Variants in PCDHGB4 observed in about 807,000 individuals in gnomAD.
PCDHGB4 encodes the protein protocadherin gamma subfamily B, 4, also known as protocadherin gamma-B4.
In PCDHGB4, 38 loss-of-function variants were observed where a neutral mutation model predicts 60.5. The observed-to-expected ratio is 0.63, with a 90% CI of 0.48 to 0.82. The LOEUF is 0.82. PCDHGB4 is among the 40% of genes least tolerant of loss of function. The probability of loss-of-function intolerance (pLI) is 0.00; values close to 1 mark genes in which losing one functional copy is unlikely to be tolerated. For missense variants in PCDHGB4, 1,109 were observed against 1,209.6 expected (o/e 0.92, Z 1.23); for synonymous variants, 456 against 509.7 (o/e 0.89, Z 1.42).
At chr5:141,478,295 T>C (rs1210224121) in intron 1 of PCDHGB4, 5 of 1,614,004 alleles carry the variant, frequency 3.1e-6, no homozygotes, top group African/African-American at 2.7e-5. Flanking sequence ...TAGAGACCTA[T>C]ACCGAGCCCC....
intron 1 of PCDHGB4, chr5:141,423,694 T>C (rs1008861889): frequency 1.3e-6 from 2 of 1,501,552 alleles, no homozygotes; most frequent in Middle Eastern, 1.8e-4. Flanking sequence ...TAATTGTTGG[T>C]GTCTTGGCAC....
At chr5:141,404,791 G>A (rs747844350) in intron 1 of PCDHGB4, 2 of 1,613,932 alleles carry the variant, frequency 1.2e-6, no homozygotes, top group Non-Finnish European at 8.5e-7. Flanking sequence ...AGGCCAGTGA[G>A]CCAGGGCTCT....
At position 141,490,645 on chromosome 5, in the gene PCDHGB4, C is replaced by G; in HGVS notation, c.2398-4162C>G. ...TGCTTACATCCTAGAAAACCGGCCTCCGGGCTCCCTTCTTTGCACTGTGGC... is the reference window on the plus strand; with the variant it reads ...TGCTTACATCCTAGAAAACCGGCCTGCGGGCTCCCTTCTTTGCACTGTGGC... On this transcript the variant is annotated intron_variant, in intron 1 of 3. Transcript: ENST00000519479. The surrounding 1 kb of genome is among the most constrained non-coding windows in gnomAD (Gnocchi z 5.4). 6.2e-7 allele frequency: 1 copy of G among 1,614,220 alleles called. No homozygotes were observed. Among genetic ancestry groups the G allele is most frequent in the Non-Finnish European group, 8.5e-7 (1 of 1,180,022 alleles).
At chr5:141,440,501 A>G (rs2098183001) in intron 1 of PCDHGB4, 1 of 152,174 alleles carries the variant, frequency 6.6e-6, no homozygotes, top group African/African-American at 2.4e-5. Context: ...TCACATTAAT[A>G]TGGAGATTCA....
At chr5:141,433,377 A>ATCTG (rs1300427377) in intron 1 of PCDHGB4, among the ~76,000 whole-genome samples, 1 of 150,958 alleles carries the variant, frequency 6.6e-6, no homozygotes, top group Non-Finnish European at 1.5e-5. Context: ...CTATCTATCT[A>ATCTG]TCTATCTATC....
At chr5:141,392,980 C>T (rs1327544903) in intron 1 of PCDHGB4, 1 of 1,613,716 alleles carries the variant, frequency 6.2e-7, no homozygotes, top group Non-Finnish European at 8.5e-7. Context: ...GGGCTGGACC[C>T]CCGGAAGCTG....
rs1441074974 is a variant in PCDHGB4, at chr5:141,388,635, C to G, written c.751C>G (p.Leu251Val). 7 of 1,613,896 alleles carry G rather than the reference C, an allele frequency of 4.3e-6. No individual in the cohort carries two copies. Among genetic ancestry groups the G allele is most frequent in the Non-Finnish European group, 5.9e-6 (7 of 1,179,864 alleles). ...CAGTCAAGACGTATACAGGGTGAGC[C>G]TTTCAGAAAACGTGTACCCGGGGAC... ...VFSQDVYRVS[L>V]SENVYPGTTV... Residue 251 changes from leucine (L) to valine (V), a missense_variant, in exon 1 of 4, where the codon CTT (leucine) becomes GTT (valine). Leu to Val is a conservative substitution (Grantham distance 32). Coordinates refer to ENST00000519479, the MANE Select transcript of PCDHGB4 (RefSeq NM_003736.4).
chr5:141,501,013 C>A (rs1456343329), intron 2 of PCDHGB4, among the ~76,000 whole-genome samples: 6 of 151,970 alleles, frequency 3.9e-5, no homozygotes, highest in Non-Finnish European at 8.8e-5. Flanking sequence ...GGACTACAGG[C>A]ACGCGCCACC....
chr5:141,411,237 T>C (rs1472710660), intron 1 of PCDHGB4: 1 of 152,116 alleles, frequency 6.6e-6, no homozygotes, highest in Non-Finnish European at 1.5e-5. Flanking sequence ...GAAGACTTAG[T>C]GAATTTACGA....
At chr5:141,419,991 T>C (rs1192003266) in intron 1 of PCDHGB4, 1 of 1,614,078 alleles carries the variant, frequency 6.2e-7, no homozygotes. Context: ...ATTCTAGCTA[T>C]TGCTCTACGC....
intron 1 of PCDHGB4, among the ~76,000 whole-genome samples, chr5:141,438,370 A>G (rs2097956460): frequency 1.3e-5 from 2 of 152,004 alleles, no homozygotes; most frequent in South Asian, 4.2e-4. Context: ...CATTGAGGGC[A>G]GATATAATTT....
Position 141,489,341 on chromosome 5 carries a change from CAGT to C in PCDHGB4, c.2398-5465_2398-5463del. The stretch of plus-strand genomic sequence containing the variant: ...TGGGTGTCTGGGCAGCTTCGTTACT[CAGT>C]GGTGGAGGAGTCTGAGCCGGGGACG... On this transcript the variant is annotated intron_variant, in intron 1 of 3. Coordinates refer to ENST00000519479, the MANE Select transcript of PCDHGB4 (RefSeq NM_003736.4). This position sits in a 1 kb window ranked among gnomAD's most constrained non-coding sequence, Gnocchi z 4.5. The C allele has an allele frequency of 6.2e-7, 1 of 1,609,088 alleles. No homozygotes were observed. Among genetic ancestry groups the C allele is most frequent in the Non-Finnish European group, 8.5e-7 (1 of 1,176,770 alleles).
At chr5:141,459,737 A>T (rs2098974670) in intron 1 of PCDHGB4, among the ~76,000 whole-genome samples, 1 of 152,176 alleles carries the variant, frequency 6.6e-6, no homozygotes, top group African/African-American at 2.4e-5. Flanking sequence ...CAATTTTTTA[A>T]ATTTTAGCAA....
At chr5:141,465,032 A>C (rs2154568703) in intron 1 of PCDHGB4, among the ~76,000 whole-genome samples, 1 of 151,870 alleles carries the variant, frequency 6.6e-6, no homozygotes, top group Admixed American at 6.6e-5. Context: ...ATGAACCACC[A>C]CAAATGACCC....
In PCDHGB4 at chr5:141,388,609, TCA is replaced by T; in HGVS notation, c.726_727del (p.Phe242LeufsTer29). The T allele has an allele frequency of 6.2e-7, 1 of 1,613,926 alleles. No individual in the cohort carries two copies. The highest frequency in any genetic ancestry group is 8.5e-7 in the Non-Finnish European group (1 of 1,179,902). ...GATGCCAATGATAATGCTCCAGTGT[TCA>T]GTCAAGACGTATACAGGGTGAGCCT... is the stretch of plus-strand genomic sequence containing the variant. On this transcript the variant is annotated frameshift_variant, in exon 1 of 4. Transcript: ENST00000519479. LOFTEE classifies it high-confidence loss of function.
intron 1 of PCDHGB4, among the ~76,000 whole-genome samples, chr5:141,467,591 T>C (rs765816743): frequency 3.3e-5 from 5 of 152,360 alleles, no homozygotes; most frequent in South Asian, 4.1e-4. Flanking sequence ...ATGCCATTTA[T>C]TAAGCACTTC....
intron 1 of PCDHGB4, chr5:141,403,365 T>A: frequency 6.2e-7 from 1 of 1,614,024 alleles, no homozygotes; most frequent in Non-Finnish European, 8.5e-7. Context: ...GCCGAAAGTC[T>A]GGAAGTAAAA....
At position 141,435,341 on chromosome 5, in the gene PCDHGB4, C is replaced by T. The variant is rs73794903; in HGVS notation, c.2397+45060C>T. 9.3e-3 allele frequency among the ~76,000 whole-genome samples: 1,412 copies of T among 152,206 alleles called. 25 individuals carry two copies. Among genetic ancestry groups the T allele is most frequent in the African/African-American group, 0.032 (1,313 of 41,532 alleles). On this transcript the variant is annotated intron_variant, in intron 1 of 3. Coordinates refer to ENST00000519479, the MANE Select transcript of PCDHGB4 (RefSeq NM_003736.4). ...ACTTCCAAATATAGTGAATTTATTT[C>T]TTCTGCATTTAAAATTTTATCACTT...
chr5:141,450,645 C>T (rs2098688869), intron 1 of PCDHGB4, among the ~76,000 whole-genome samples: 2 of 151,618 alleles, frequency 1.3e-5, no homozygotes, highest in Non-Finnish European at 2.9e-5. Context: ...TGCCACCATG[C>T]CTGGCTAATT....
Sources: gnomAD v4.1 joint callset for allele counts (sites outside exome capture counted in the v4.1 genomes callset) on GRCh38, gnomAD v4.1.1 for gene constraint, Gnocchi (gnomAD v3.1) non-coding constraint, MANE v1.5 for transcripts, NCBI Gene and HGNC (gene_info 2026-07-23, HGNC 2026-07-21) for gene names.